Variants in KCTD10 observed in about 807,000 individuals in gnomAD.
KCTD10 encodes the protein BTB/POZ domain-containing adapter for CUL3-mediated RhoA degradation protein 3.
KCTD10 carries 13 observed loss-of-function variants against 34.6 expected under a neutral mutation model. The ratio of observed to expected loss-of-function variants is 0.38; its 90% CI spans 0.24 to 0.60. The LOEUF (loss-of-function observed/expected upper bound fraction) is 0.60, where lower values mean the gene tolerates loss of function less well. KCTD10 is among the 20% of genes least tolerant of loss of function. The pLI is 0.66. For synonymous variants in KCTD10, 156 were observed against 168.8 expected (o/e 0.92, Z 0.59); for missense variants, 256 against 420.3 (o/e 0.61, Z 3.42).
chr12:109,456,661 G>C (rs189659869), intron 5 of KCTD10: 1 of 379,410 alleles, frequency 2.6e-6, no homozygotes, highest in East Asian at 6.4e-5. Context: ...CCCAAGAGGA[G>C]CAGAATGGCA....
intron 2 of KCTD10, among the ~76,000 whole-genome samples, chr12:109,466,631 A>G (rs72648061): frequency 0.067 from 10,137 of 152,316 alleles, 359 homozygotes; most frequent in East Asian, 0.087. Context: ...ACAAAACTCA[A>G]TCAGGTAGAA....
chr12:109,473,600 C>G (rs1199993696), intron 1 of KCTD10, among the ~76,000 whole-genome samples: 6 of 152,244 alleles, frequency 3.9e-5, no homozygotes, highest in African/African-American at 1.4e-4. Flanking sequence ...TCAGAGCTCA[C>G]CCTCTCCAAA....
In KCTD10 at chr12:109,456,259, CAG is replaced by C. The variant is rs1486661463; in HGVS notation, c.580_581del (p.Leu194AlafsTer3). On this transcript the variant is annotated frameshift_variant, in exon 6 of 7. Coordinates refer to ENST00000228495, the MANE Select transcript of KCTD10 (RefSeq NM_031954.5). LOFTEE classifies it high-confidence loss of function. The stretch of plus-strand genomic sequence containing the variant: ...TGAACAGGACCCTTCCGTTAAAGCG[CAG>C]AGACAGCTTATCAAACAGTTCAATG... ...KNIELFDKLS[L>X]RFNGRVLFIK... The C allele has an allele frequency of 3.7e-6, 6 of 1,614,200 alleles. No individual in the cohort carries two copies. Among genetic ancestry groups the C allele is most frequent in the Non-Finnish European group, 5.1e-6 (6 of 1,180,030 alleles).
At position 109,458,005 on chromosome 12, in the gene KCTD10, G is replaced by A. The variant is rs766329850; in HGVS notation, c.461C>T (p.Ala154Val). The change falls in exon 4 of 7, where the codon GCG (alanine) becomes GTG (valine). Residue 154 changes from alanine to valine, a missense_variant. Physicochemically the swap from Ala to Val is moderately conservative, Grantham distance 64. Transcript: ENST00000228495. ...CCTCCAACATACCTTATTTGAAGTC[G>A]CTATAAGTTTTTGTTCTTCCTTGGA... ...TSSKEEQKLI[A>V]TSNKPAVKLL... 2.5e-6 allele frequency: 4 copies of A among 1,613,346 alleles called. No individual in the cohort carries two copies. The highest frequency in any genetic ancestry group is 3.4e-6 in the Non-Finnish European group (4 of 1,179,264).
intron 2 of KCTD10, 46 bp downstream of exon 2, chr12:109,469,469 C>A (rs376175954): frequency 3.8e-6 from 6 of 1,598,688 alleles, no homozygotes; most frequent in Middle Eastern, 2.0e-4. Context: ...CCCTCCTTGA[C>A]CACATAACGC....
At chr12:109,469,439 A>C (rs1414019663) in intron 2 of KCTD10, 76 bp downstream of exon 2, 5 of 1,545,164 alleles carry the variant, frequency 3.2e-6, no homozygotes, top group Non-Finnish European at 3.5e-6. Context: ...CTCGACTTAA[A>C]TGTCACTTCT....
chr12:109,456,063 C>T, intron 6 of KCTD10, 55 bp downstream of exon 6: 2 of 1,544,462 alleles, frequency 1.3e-6, no homozygotes, highest in South Asian at 2.3e-5. Context: ...AAAGGAAGTT[C>T]TATAGGTGTG....
At chr12:109,471,125 C>G in intron 1 of KCTD10, 1 of 985,460 alleles carries the variant, frequency 1.0e-6, no homozygotes, top group Non-Finnish European at 1.2e-6. Flanking sequence ...GAACTATTCC[C>G]TGAAACTGAA....
At chr12:109,469,947 C>G in intron 1 of KCTD10, 1 of 1,239,204 alleles carries the variant, frequency 8.1e-7, no homozygotes, top group Non-Finnish European at 1.1e-6. Context: ...AGGGGAACAA[C>G]TGGTCAGAGC....
chr12:109,458,121 G>C (rs1412018826), intron 3 of KCTD10, 43 bp from the exon 4 acceptor site: 3 of 1,522,554 alleles, frequency 2.0e-6, no homozygotes, highest in South Asian at 1.1e-5. Flanking sequence ...GGCCTGCCTA[G>C]CACTGCATTT....
intron 6 of KCTD10, among the ~76,000 whole-genome samples, chr12:109,455,740 G>C (rs370961325): frequency 2.2e-4 from 34 of 152,316 alleles, no homozygotes; most frequent in Admixed American, 5.9e-4. Flanking sequence ...TTCAATTAAG[G>C]GGGGGCCAGA....
At position 109,448,663 on chromosome 12, in the gene KCTD10, A is replaced by T. The variant is rs537201452; in HGVS notation, c.*2932T>A. 8.4e-4 allele frequency: 128 copies of T among 152,374 alleles called. No homozygotes were observed. Among genetic ancestry groups the T allele is most frequent in the African/African-American group, 3.0e-3 (126 of 41,586 alleles). 9.4% of individuals were successfully genotyped at this position (152,374 alleles called of 1,614,324 possible). On this transcript the variant is annotated 3_prime_UTR_variant, in exon 7 of 7. Coordinates refer to ENST00000228495, the MANE Select transcript of KCTD10 (RefSeq NM_031954.5). ...AAGAGCCAGAAAACAGAAGCATTTT[A>T]TGACTTTTATTTTACATGTCGCCAA...
intron 1 of KCTD10, among the ~76,000 whole-genome samples, chr12:109,475,211 C>T (rs2135687759): frequency 6.6e-6 from 1 of 152,210 alleles, no homozygotes; most frequent in South Asian, 2.1e-4. Context: ...CAGTGGCTCA[C>T]ACCCATTATC....
rs771675959 is a variant in KCTD10 at position 109,477,279 on chromosome 12, C to A, written c.-17G>T. 3 of 1,613,956 alleles carry A rather than the reference C, an allele frequency of 1.9e-6. No homozygotes were observed. The highest frequency in any genetic ancestry group is 2.2e-5 in the South Asian group (2 of 91,030). On this transcript the variant is annotated 5_prime_UTR_variant, in exon 1 of 7. Coordinates refer to ENST00000228495, the MANE Select transcript of KCTD10 (RefSeq NM_031954.5). Reference sequence around the variant, plus strand: ...CCCTACCATGAAAAGTCGGAGGACGCAGGAGTCTCCAAACCCGGACTGAGA... The same window carrying A: ...CCCTACCATGAAAAGTCGGAGGACGAAGGAGTCTCCAAACCCGGACTGAGA...
intron 3 of KCTD10, chr12:109,458,370 G>A: frequency 3.5e-6 from 1 of 286,730 alleles, no homozygotes; most frequent in South Asian, 7.9e-5. Flanking sequence ...TGACGTGGCA[G>A]CAGAAACGTG....
intron 2 of KCTD10, among the ~76,000 whole-genome samples, chr12:109,465,443 C>T (rs1276549842): frequency 6.6e-6 from 1 of 152,170 alleles, no homozygotes; most frequent in African/African-American, 2.4e-5. Context: ...ATGCTGGTTG[C>T]ACACTAGAAT....
intron 1 of KCTD10, among the ~76,000 whole-genome samples, chr12:109,476,517 T>A (rs1440208859): frequency 1.3e-5 from 2 of 152,152 alleles, no homozygotes; most frequent in Non-Finnish European, 2.9e-5. Flanking sequence ...AGACAGATCT[T>A]GAAACATCCT....
intron 1 of KCTD10, chr12:109,471,345 A>G (rs1204234589): frequency 8.1e-6 from 8 of 985,364 alleles, no homozygotes; most frequent in African/African-American, 3.5e-5. Context: ...GGCACCCAAC[A>G]GTGGCCTGGA....
chr12:109,453,324 A>G (rs1244184351), intron 6 of KCTD10, among the ~76,000 whole-genome samples: 1 of 151,922 alleles, frequency 6.6e-6, no homozygotes, highest in African/African-American at 2.4e-5. Flanking sequence ...CAAGTAGTTT[A>G]GACTACAGGC....
Sources: gnomAD v4.1 joint callset for allele counts (sites outside exome capture counted in the v4.1 genomes callset) on GRCh38, gnomAD v4.1.1 for gene constraint, MANE v1.5 for transcripts, NCBI Gene and HGNC (gene_info 2026-07-23, HGNC 2026-07-21) for gene names.